Variants in EPHA6 observed in about 807,000 individuals in gnomAD.
The protein encoded by EPHA6 is ephrin type-A receptor 6.
In EPHA6, 50 loss-of-function variants were observed where a neutral mutation model predicts 112.0. That is an observed-to-expected ratio of 0.45 (90% CI 0.36 to 0.56). The LOEUF is 0.56. EPHA6 is among the 20% of genes least tolerant of loss of function. The pLI, the probability that EPHA6 is intolerant of heterozygous loss-of-function variation, is 0.00. For synonymous variants in EPHA6, 529 were observed against 490.7 expected (o/e 1.08, Z -1.03); for missense variants, 1,280 against 1,417.4 (o/e 0.90, Z 1.56).
intron 5 of EPHA6, among the ~76,000 whole-genome samples, chr3:97,276,572 T>G (rs2080089004): frequency 6.6e-6 from 1 of 151,974 alleles, no homozygotes; most frequent in Non-Finnish European, 1.5e-5. Context: ...TTGCAACTTT[T>G]TTTCTATTAT....
At chr3:97,360,166 C>T (rs529134132) in intron 5 of EPHA6, among the ~76,000 whole-genome samples, 1 of 152,308 alleles carries the variant, frequency 6.6e-6, no homozygotes, top group African/African-American at 2.4e-5. Context: ...GCACCAGGAA[C>T]AAGTGCACAG....
Position 96,858,301 on chromosome 3 carries a change from G to A in EPHA6, c.386-8524G>A, listed in dbSNP as rs148175752. On this transcript the variant is annotated intron_variant, in intron 1 of 17. Coordinates refer to ENST00000389672, the MANE Select transcript of EPHA6 (RefSeq NM_001080448.3). ...AGTTAGGGTTGATACTACGCTTAGA[G>A]AATTACATGGTTTAGGGTAGAGCAA... Among the ~76,000 whole-genome samples, 970 of 152,166 alleles carry A rather than the reference G, an allele frequency of 6.4e-3. 7 individuals are homozygous for A. The highest frequency in any genetic ancestry group is 0.021 in the African/African-American group (876 of 41,538).
intron 2 of EPHA6, among the ~76,000 whole-genome samples, chr3:96,958,947 A>G (rs1470263986): frequency 6.6e-6 from 1 of 152,182 alleles, no homozygotes; most frequent in Non-Finnish European, 1.5e-5. Flanking sequence ...ACTTTTTTCT[A>G]GTATGAGTAA....
At chr3:96,984,737 C>T (rs986480849) in intron 2 of EPHA6, among the ~76,000 whole-genome samples, 4 of 152,188 alleles carry the variant, frequency 2.6e-5, no homozygotes, top group Non-Finnish European at 4.4e-5. Flanking sequence ...TTTACCTACT[C>T]AAGCCTCAGC....
chr3:97,424,880 C>T (rs868388547), intron 6 of EPHA6, among the ~76,000 whole-genome samples: 43 of 151,496 alleles, frequency 2.8e-4, no homozygotes, highest in Middle Eastern at 3.5e-3. Flanking sequence ...GTAAATACAC[C>T]TGTTCCACAT....
intron 14 of EPHA6, among the ~76,000 whole-genome samples, chr3:97,675,969 T>G (rs529678787): frequency 4.6e-5 from 7 of 152,048 alleles, no homozygotes; most frequent in Non-Finnish European, 8.8e-5. Context: ...TGACAGAAAA[T>G]TCCAAGGCTT....
intron 6 of EPHA6, among the ~76,000 whole-genome samples, chr3:97,439,840 G>T (rs2090040920): frequency 6.6e-6 from 1 of 152,160 alleles, no homozygotes; most frequent in East Asian, 1.9e-4. Flanking sequence ...GAGAATCAGT[G>T]TGAGCTGAAA....
intron 5 of EPHA6, among the ~76,000 whole-genome samples, chr3:97,403,259 G>A (rs2087110840): frequency 6.6e-6 from 1 of 151,446 alleles, no homozygotes; most frequent in Non-Finnish European, 1.5e-5. Flanking sequence ...TAAGAAAAAA[G>A]TTTTTCTTAT....
At chr3:96,968,058 G>A (rs1394152171) in intron 2 of EPHA6, among the ~76,000 whole-genome samples, 1 of 151,430 alleles carries the variant, frequency 6.6e-6, no homozygotes, top group Non-Finnish European at 1.5e-5. Flanking sequence ...GACTCATTCT[G>A]TAATATTTTC....
chr3:97,381,658 G>A (rs1403373938), intron 5 of EPHA6, among the ~76,000 whole-genome samples: 1 of 152,092 alleles, frequency 6.6e-6, no homozygotes, highest in African/African-American at 2.4e-5. Context: ...TTGATTTTCA[G>A]CAAGTGAAAT....
rs368208574 is a variant in EPHA6, at chr3:96,940,812, G to A, written c.451-46518G>A. ...AGGCCTGGTGGTGACAAAATCTCTC[G>A]GCATTTGCTTGTCTGTAAAGGATTT... On this transcript the variant is annotated intron_variant, in intron 2 of 17. Transcript: ENST00000389672. Among the ~76,000 whole-genome samples, 80 of 151,626 alleles carry A rather than the reference G, an allele frequency of 5.3e-4. 1 individual carries two copies. In the Middle Eastern group the frequency reaches 0.024, roughly 45 times the overall value.
rs2107944059 is a variant in EPHA6, at chr3:97,759,943, G to C, written c.*11242G>C. ...GTAAGAGTCCTTTCCATAATGTAGA[G>C]ATTGAGAACTTCTCAATGCCATAAA... On this transcript the variant is annotated 3_prime_UTR_variant, in exon 18 of 18. Coordinates refer to ENST00000389672, the MANE Select transcript of EPHA6 (RefSeq NM_001080448.3). 5.1e-6 allele frequency: 1 copy of C among 195,468 alleles called. No homozygotes were observed. The highest frequency in any genetic ancestry group is 8.0e-5 in the East Asian group (1 of 12,552). The allele number at this position is 195,468 out of a possible 1,614,324, so 12.1% of individuals were successfully genotyped here.
chr3:96,829,963 A>ACG (rs1253686342), intron 1 of EPHA6, among the ~76,000 whole-genome samples: 50 of 150,936 alleles, frequency 3.3e-4, no homozygotes, highest in Non-Finnish European at 6.3e-4. Flanking sequence ...ACACACACAC[A>ACG]CACACACACA....
At chr3:97,742,985 G>T (rs551050214) in intron 16 of EPHA6, among the ~76,000 whole-genome samples, 2 of 152,114 alleles carry the variant, frequency 1.3e-5, no homozygotes, top group African/African-American at 4.8e-5. Flanking sequence ...TCAATGTGCT[G>T]TTGTTGCTCT....
intron 10 of EPHA6, among the ~76,000 whole-genome samples, chr3:97,492,987 T>G (rs1306571820): frequency 6.6e-6 from 1 of 151,804 alleles, no homozygotes; most frequent in East Asian, 1.9e-4. Context: ...TTTTTTTTTT[T>G]TTTTGATGTG....
At chr3:97,540,584 A>G (rs1331711776) in intron 11 of EPHA6, among the ~76,000 whole-genome samples, 1 of 152,174 alleles carries the variant, frequency 6.6e-6, no homozygotes, top group Non-Finnish European at 1.5e-5. Context: ...CCTCTAACCT[A>G]TTCCCTAGTT....
chr3:97,298,433 G>A (rs1426265280), intron 5 of EPHA6, among the ~76,000 whole-genome samples: 1 of 152,148 alleles, frequency 6.6e-6, no homozygotes, highest in Non-Finnish European at 1.5e-5. Context: ...ACTCTTAGAT[G>A]CCTGTTTCTA....
intron 5 of EPHA6, among the ~76,000 whole-genome samples, chr3:97,386,126 T>A (rs1577191144): frequency 6.6e-6 from 1 of 152,036 alleles, no homozygotes; most frequent in Non-Finnish European, 1.5e-5. Flanking sequence ...AAAGTCCAAG[T>A]CCAAAGTCTC....
chr3:97,041,915 A>T (rs1387952421), intron 3 of EPHA6, among the ~76,000 whole-genome samples: 3 of 152,038 alleles, frequency 2.0e-5, no homozygotes, highest in Non-Finnish European at 4.4e-5. Flanking sequence ...CCCTCCTCCA[A>T]CACTACAAAT....
Sources: gnomAD v4.1 joint callset for allele counts (sites outside exome capture counted in the v4.1 genomes callset) on GRCh38, gnomAD v4.1.1 for gene constraint, MANE v1.5 for transcripts, NCBI Gene and HGNC (gene_info 2026-07-23, HGNC 2026-07-21) for gene names.